Variants in PTPRM observed in about 807,000 individuals in gnomAD.
The protein encoded by PTPRM is receptor-type tyrosine-protein phosphatase mu.
PTPRM carries 47 observed loss-of-function variants against 186.7 expected under a neutral mutation model. The observed-to-expected ratio is 0.25, with a 90% CI of 0.20 to 0.32. The LOEUF (loss-of-function observed/expected upper bound fraction) is 0.32, where lower values mean the gene tolerates loss of function less well. Ranked by LOEUF, PTPRM falls within the 10% of genes least tolerant of loss-of-function variation. The pLI is 1.00. For missense variants in PTPRM, 1,494 were observed against 1,865.0 expected (o/e 0.80, Z 3.66); for synonymous variants, 668 against 674.9 (o/e 0.99, Z 0.16).
At chr18:8,164,295 G>A (rs956646813) in intron 14 of PTPRM, among the ~76,000 whole-genome samples, 3 of 152,110 alleles carry the variant, frequency 2.0e-5, no homozygotes, top group African/African-American at 7.2e-5. Flanking sequence ...GTTCTATGCT[G>A]GGACCCAAAA....
chr18:8,290,526 A>C lies in PTPRM; in HGVS notation c.2755-5842A>C, dbSNP rs1601659573. ...TCCTGTGGAAAATGGTGGCGGTATG[A>C]GGGGTGGGGAAGGAGGTTATTAAAT... On this transcript the variant is annotated intron_variant, in intron 19 of 32. Transcript: ENST00000580170. Among the ~76,000 whole-genome samples the C allele has an allele frequency of 2.6e-5, 4 of 151,730 alleles. No individual in the cohort carries two copies. In the East Asian group the frequency reaches 7.8e-4, roughly 29 times the overall value.
intron 19 of PTPRM, among the ~76,000 whole-genome samples, chr18:8,276,373 A>G (rs1425405796): frequency 1.3e-5 from 2 of 152,162 alleles, no homozygotes; most frequent in African/African-American, 2.4e-5. Context: ...TGCTCTTTAC[A>G]GGATTGTCAT....
At chr18:8,047,437 C>G (rs975017724) in intron 7 of PTPRM, among the ~76,000 whole-genome samples, 1 of 151,950 alleles carries the variant, frequency 6.6e-6, no homozygotes, top group Non-Finnish European at 1.5e-5. Flanking sequence ...TTATTGTATT[C>G]AAGAAAGTAA....
chr18:7,886,712 G>C (rs557029837), intron 2 of PTPRM, among the ~76,000 whole-genome samples: 1 of 152,236 alleles, frequency 6.6e-6, no homozygotes, highest in South Asian at 2.1e-4. Context: ...TAATCTCTCT[G>C]TGACCCCATT....
chr18:7,606,476 C>A (rs560735491), intron 1 of PTPRM, among the ~76,000 whole-genome samples: 1 of 152,086 alleles, frequency 6.6e-6, no homozygotes, highest in Non-Finnish European at 1.5e-5. Context: ...AAGGTAAAAT[C>A]TGAAGTTAGC....
intron 2 of PTPRM, among the ~76,000 whole-genome samples, chr18:7,855,836 AAGG>A (rs376612562): frequency 2.2e-3 from 333 of 152,372 alleles, no homozygotes; most frequent in African/African-American, 7.7e-3. Flanking sequence ...GATTCAGAGT[AAGG>A]AGAATTAATG....
intron 1 of PTPRM, among the ~76,000 whole-genome samples, chr18:7,675,275 A>G (rs1245103005): frequency 6.6e-6 from 1 of 152,150 alleles, no homozygotes; most frequent in Non-Finnish European, 1.5e-5. Flanking sequence ...ACATTATTTC[A>G]GTTGTGCAGG....
At chr18:8,092,827 C>T (rs2090818557) in intron 11 of PTPRM, among the ~76,000 whole-genome samples, 1 of 151,962 alleles carries the variant, frequency 6.6e-6, no homozygotes, top group Non-Finnish European at 1.5e-5. Context: ...AAAACAAAAA[C>T]AAACAAACAA....
intron 7 of PTPRM, among the ~76,000 whole-genome samples, chr18:8,019,699 C>G (rs969726326): frequency 6.7e-6 from 1 of 150,054 alleles, no homozygotes; most frequent in African/African-American, 2.4e-5. Context: ...GGTGCTTCAC[C>G]TTTGTAAAAT....
chr18:8,371,520 GGAAACCTAAGT>G (rs1313641902), intron 24 of PTPRM, among the ~76,000 whole-genome samples: 1 of 152,096 alleles, frequency 6.6e-6, no homozygotes, highest in Non-Finnish European at 1.5e-5. Flanking sequence ...TGACCTACCT[GGAAACCTAAGT>G]GACTGATCTC....
At chr18:8,333,002 G>A (rs564107477) in intron 22 of PTPRM, among the ~76,000 whole-genome samples, 19 of 152,232 alleles carry the variant, frequency 1.2e-4, no homozygotes, top group African/African-American at 3.9e-4. Flanking sequence ...TAGAAAATGC[G>A]ATTTTAACAG....
chr18:7,855,791 A>T lies in PTPRM; in HGVS notation c.197-32315A>T, dbSNP rs187080184. Among the ~76,000 whole-genome samples, 6 of 152,342 alleles carry T rather than the reference A, an allele frequency of 3.9e-5. No individual in the cohort carries two copies. In the East Asian group the frequency reaches 1.2e-3, roughly 29 times the overall value. The stretch of plus-strand genomic sequence containing the variant: ...GTTTCCTCTGGCTAGCACATGAACT[A>T]CATGGAGAGACATTTGTGTATCTTT... On this transcript the variant is annotated intron_variant, in intron 2 of 32. Coordinates refer to ENST00000580170, the MANE Select transcript of PTPRM (RefSeq NM_001105244.2).
intron 14 of PTPRM, among the ~76,000 whole-genome samples, chr18:8,226,217 T>A (rs1367045902): frequency 3.3e-5 from 5 of 152,140 alleles, no homozygotes; most frequent in Admixed American, 6.5e-5. Flanking sequence ...TCATTTTAAT[T>A]TTTGAAAAAG....
At chr18:8,320,854 C>G (rs745864080) in intron 22 of PTPRM, among the ~76,000 whole-genome samples, 4 of 152,146 alleles carry the variant, frequency 2.6e-5, no homozygotes, top group Admixed American at 6.5e-5. Context: ...ACTTTGCTAG[C>G]TAGATGCAAA....
intron 11 of PTPRM, among the ~76,000 whole-genome samples, chr18:8,092,648 A>T (rs983897543): frequency 2.6e-5 from 4 of 152,072 alleles, no homozygotes; most frequent in African/African-American, 9.7e-5. Flanking sequence ...CAATTTGGAA[A>T]GCAGGGCACC....
intron 1 of PTPRM, among the ~76,000 whole-genome samples, chr18:7,678,046 C>T (rs1387355075): frequency 6.6e-6 from 1 of 151,496 alleles, no homozygotes; most frequent in African/African-American, 2.4e-5. Flanking sequence ...ATGAAGGAGT[C>T]ATAGGGGCTC....
intron 2 of PTPRM, among the ~76,000 whole-genome samples, chr18:7,785,744 T>A (rs2043071161): frequency 6.6e-6 from 1 of 152,230 alleles, no homozygotes; most frequent in Non-Finnish European, 1.5e-5. Flanking sequence ...ATCGTGATGA[T>A]CATTGGTCAT....
At chr18:7,713,342 A>G (rs1033273237) in intron 1 of PTPRM, among the ~76,000 whole-genome samples, 2 of 152,102 alleles carry the variant, frequency 1.3e-5, no homozygotes, top group African/African-American at 4.8e-5. Flanking sequence ...TTACCACCAG[A>G]CCTGCCTTAC....
chr18:8,191,602 T>C (rs1057396948), intron 14 of PTPRM, among the ~76,000 whole-genome samples: 3 of 152,250 alleles, frequency 2.0e-5, no homozygotes, highest in East Asian at 1.9e-4. Flanking sequence ...GTCACCTGTG[T>C]CACACAAATG....
Sources: allele counts gnomAD v4.1 joint callset (sites outside exome capture counted in the v4.1 genomes callset), GRCh38; gene constraint gnomAD v4.1.1; transcripts MANE v1.5; gene names NCBI Gene and HGNC (gene_info 2026-07-23, HGNC 2026-07-21).